The following TRDN variants were observed in gnomAD, a reference collection of about 807,000 sequenced individuals.
The protein encoded by TRDN is triadin in skeletal muscle.
TRDN carries 161 observed loss-of-function variants against 149.7 expected under a neutral mutation model. That is an observed-to-expected ratio of 1.08 (90% CI 0.95 to 1.23). TRDN has a LOEUF of 1.23. Ranked by LOEUF, TRDN falls within the 50% of genes most tolerant of loss-of-function variation. The pLI, the probability that TRDN is intolerant of heterozygous loss-of-function variation, is 0.00. For synonymous variants in TRDN, 294 were observed against 250.5 expected, an observed-to-expected ratio of 1.17 and a Z score of -1.64; for missense variants, 896 against 823.5, an observed-to-expected ratio of 1.09 and a Z score of -1.08.
intron 24 of TRDN, among the ~76,000 whole-genome samples, chr6:123,301,522 A>G (rs1562252024): frequency 6.6e-6 from 1 of 151,636 alleles, no homozygotes; most frequent in African/African-American, 2.4e-5. Context: ...ATTTTACATT[A>G]TGAAATCAAT....
chr6:123,283,882 C>T (rs1330007274), intron 24 of TRDN, among the ~76,000 whole-genome samples: 1 of 146,796 alleles, frequency 6.8e-6, no homozygotes, highest in Non-Finnish European at 1.5e-5. Flanking sequence ...TAGAATTCTG[C>T]TGTGAATATT....
At position 123,410,177 on chromosome 6, in the gene TRDN, G is replaced by T. The variant is rs561853687; in HGVS notation, c.1052-16500C>A. On this transcript the variant is annotated intron_variant, in intron 12 of 40. Transcript: ENST00000334268. ...ATTGATGCAGAATATTTGGTGTAAA[G>T]TACATATTGTGAAGGAGGATACAGT... Among the ~76,000 whole-genome samples, 11 of 152,290 alleles carry T rather than the reference G, an allele frequency of 7.2e-5. No homozygotes were observed. The East Asian group carries it at 1.7e-3, about 24-fold the overall frequency.
intron 9 of TRDN, among the ~76,000 whole-genome samples, chr6:123,467,942 T>C (rs1219437044): frequency 6.6e-6 from 1 of 152,174 alleles, no homozygotes; most frequent in African/African-American, 2.4e-5. Context: ...TGTGTACATT[T>C]GAAAATCTCA....
At chr6:123,554,816 G>A (rs945749702) in intron 2 of TRDN, among the ~76,000 whole-genome samples, 15 of 152,270 alleles carry the variant, frequency 9.9e-5, no homozygotes, top group Admixed American at 9.8e-4. Flanking sequence ...TTTCCACTAA[G>A]TCAATAGGTT....
At chr6:123,502,585 GAAAA>G in intron 8 of TRDN, 1 of 984,744 alleles carries the variant, frequency 1.0e-6, no homozygotes. Flanking sequence ...AAATTCAAGA[GAAAA>G]AAGATGAAAA....
At chr6:123,220,033 G>T (rs1775090737) in intron 40 of TRDN, among the ~76,000 whole-genome samples, 1 of 151,816 alleles carries the variant, frequency 6.6e-6, no homozygotes, top group South Asian at 2.1e-4. Flanking sequence ...TAAATTAAAG[G>T]CTCATGAATA....
Position 123,260,603 on chromosome 6 carries a change from A to C in TRDN, c.1831+9T>G. Reference sequence around the variant, plus strand: ...GTATCTTATCTCCTCTGAAAAAGTAAATATTTACCTGATTCTGTGACTTCT... The same window carrying C: ...GTATCTTATCTCCTCTGAAAAAGTACATATTTACCTGATTCTGTGACTTCT... On this transcript the variant is annotated intron_variant, in intron 34 of 40. Transcript: ENST00000334268. 6.8e-7 allele frequency: 1 copy of C among 1,474,374 alleles called. No individual in the cohort carries two copies. The highest frequency in any genetic ancestry group is 2.7e-5 in the Admixed American group (1 of 37,558). The allele number at this position is 1,474,374 out of a possible 1,614,324, so 91.3% of individuals were successfully genotyped here.
At position 123,548,682 on chromosome 6, in the gene TRDN, T is replaced by C. The variant is rs1055397385; in HGVS notation, c.233-70A>G. The stretch of plus-strand genomic sequence containing the variant: ...TTTCCAAATAACTTAAGAAAAGCTG[T>C]TTTTACTGATTTGTTGTTTTGACAA... On this transcript the variant is annotated intron_variant, in intron 2 of 40. Coordinates refer to ENST00000334268, the MANE Select transcript of TRDN (RefSeq NM_006073.4). 3 of 1,196,106 alleles carry C rather than the reference T, an allele frequency of 2.5e-6. No homozygotes were observed. In the Admixed American group the frequency reaches 1.2e-4, roughly 49 times the overall value. 74.1% of individuals were successfully genotyped at this position (1,196,106 alleles called of 1,614,324 possible).
At chr6:123,457,674 A>C (rs1269220531) in intron 10 of TRDN, 1 of 371,098 alleles carries the variant, frequency 2.7e-6, no homozygotes, top group Non-Finnish European at 5.2e-6. Flanking sequence ...GCTGAATTAT[A>C]CTTGTTTTAA....
chr6:123,337,525 A>G (rs961315661), intron 22 of TRDN, 94 bp downstream of exon 22: 20 of 487,650 alleles, frequency 4.1e-5, no homozygotes, highest in African/African-American at 8.2e-5. Context: ...TCTGGTTTAC[A>G]TATTTGCAAA....
chr6:123,380,079 G>A (rs1014997482), intron 16 of TRDN, among the ~76,000 whole-genome samples: 6 of 152,124 alleles, frequency 3.9e-5, no homozygotes, highest in African/African-American at 1.4e-4. Flanking sequence ...ATAAACCATA[G>A]CAAATGAGTG....
At chr6:123,609,932 T>C (rs551865046) in intron 1 of TRDN, among the ~76,000 whole-genome samples, 1 of 152,150 alleles carries the variant, frequency 6.6e-6, no homozygotes, top group Non-Finnish European at 1.5e-5. Flanking sequence ...AGTGGATGGA[T>C]GATATATAAG....
intron 13 of TRDN, among the ~76,000 whole-genome samples, chr6:123,391,247 AATC>A (rs772103062): frequency 6.6e-6 from 1 of 152,024 alleles, no homozygotes; most frequent in Non-Finnish European, 1.5e-5. Context: ...CTGAAGAATG[AATC>A]ATCTTTTCCC....
At chr6:123,309,751 G>A (rs1778744151) in intron 24 of TRDN, among the ~76,000 whole-genome samples, 1 of 151,540 alleles carries the variant, frequency 6.6e-6, no homozygotes, top group Admixed American at 6.6e-5. Flanking sequence ...ACTGTGTTGT[G>A]TAAAAATATA....
chr6:123,415,167 C>T (rs1328946286), intron 12 of TRDN, among the ~76,000 whole-genome samples: 9 of 152,152 alleles, frequency 5.9e-5, no homozygotes, highest in Non-Finnish European at 7.4e-5. Context: ...ATAAGGAATT[C>T]AACTAAATGC....
chr6:123,526,276 C>G (rs1043776980), intron 5 of TRDN, among the ~76,000 whole-genome samples: 1 of 151,884 alleles, frequency 6.6e-6, no homozygotes, highest in Non-Finnish European at 1.5e-5. Context: ...GGGAAGAGAA[C>G]AGAGATGGTA....
chr6:123,615,669 G>A (rs1785047533), intron 1 of TRDN, among the ~76,000 whole-genome samples: 3 of 152,074 alleles, frequency 2.0e-5, no homozygotes. Context: ...AATATTATTT[G>A]TTCTCACTCA....
At chr6:123,374,871 T>C (rs764821854) in intron 19 of TRDN, among the ~76,000 whole-genome samples, 2 of 152,142 alleles carry the variant, frequency 1.3e-5, no homozygotes, top group Non-Finnish European at 2.9e-5. Context: ...CCAGTACTTG[T>C]TTACCTCTAA....
At chr6:123,564,416 A>T (rs955065982) in intron 2 of TRDN, among the ~76,000 whole-genome samples, 2 of 152,190 alleles carry the variant, frequency 1.3e-5, no homozygotes, top group African/African-American at 4.8e-5. Flanking sequence ...GTGTGTGTAT[A>T]TGAGTGTAAA....
Sources: gnomAD v4.1 joint callset for allele counts (sites outside exome capture counted in the v4.1 genomes callset) on GRCh38, gnomAD v4.1.1 for gene constraint, MANE v1.5 for transcripts, NCBI Gene and HGNC (gene_info 2026-07-23, HGNC 2026-07-21) for gene names.